The following PTGFR variants were observed in gnomAD, a reference collection of about 807,000 sequenced individuals.
The protein encoded by PTGFR is prostaglandin F receptor, also known as prostaglandin F2-alpha receptor.
A neutral mutation model predicts 26.2 loss-of-function variants in PTGFR; 15 were observed. The ratio of observed to expected loss-of-function variants is 0.57; its 90% confidence interval spans 0.38 to 0.88. The LOEUF is 0.88. Among genes scored for constraint, PTGFR ranks in the 40% least tolerant of loss-of-function variants. The pLI, the probability that PTGFR is intolerant of heterozygous loss-of-function variation, is 0.00. For synonymous variants in PTGFR, 165 were observed against 151.1 expected, an observed-to-expected ratio of 1.09 and a Z score of -0.68; for missense variants, 369 against 427.2, an observed-to-expected ratio of 0.86 and a Z score of 1.20.
intron 2 of PTGFR, among the ~76,000 whole-genome samples, chr1:78,518,502 A>C (rs1650144957): frequency 6.6e-6 from 1 of 151,644 alleles, no homozygotes; most frequent in Non-Finnish European, 1.5e-5. Context: ...GAAGTGCCCT[A>C]GTAATTACTT....
At chr1:78,532,346 G>A (rs1459183354) in intron 2 of PTGFR, 1 of 134,904 alleles carries the variant, frequency 7.4e-6, no homozygotes, top group East Asian at 2.3e-4. Context: ...GGAAGTTTAT[G>A]CCGTCAAGTA....
At chr1:78,498,170 A>T (rs1352932705) in intron 2 of PTGFR, among the ~76,000 whole-genome samples, 3 of 152,216 alleles carry the variant, frequency 2.0e-5, no homozygotes, top group African/African-American at 7.2e-5. Context: ...GCTAATGACA[A>T]ATGATGGAGT....
chr1:78,505,369 C>A (rs1045928388), intron 2 of PTGFR, among the ~76,000 whole-genome samples: 9 of 151,998 alleles, frequency 5.9e-5, no homozygotes, highest in Non-Finnish European at 1.3e-4. Flanking sequence ...GTGATCCACC[C>A]ACCTCGGCCT....
At chr1:78,502,059 G>A (rs1649719366) in intron 2 of PTGFR, among the ~76,000 whole-genome samples, 1 of 152,132 alleles carries the variant, frequency 6.6e-6, no homozygotes, top group African/African-American at 2.4e-5. Flanking sequence ...AAGGAAGAGA[G>A]AAGAAGCTCA....
At chr1:78,535,166 A>G (rs1375263327) in intron 2 of PTGFR, among the ~76,000 whole-genome samples, 3 of 152,166 alleles carry the variant, frequency 2.0e-5, no homozygotes, top group Admixed American at 2.0e-4. Flanking sequence ...GGAGAATCAG[A>G]GGAGTGTGCA....
intron 2 of PTGFR, among the ~76,000 whole-genome samples, chr1:78,529,014 C>A (rs928417131): frequency 5.3e-5 from 8 of 152,120 alleles, no homozygotes; most frequent in Admixed American, 4.6e-4. Context: ...AAGACCTACA[C>A]ACATTTCAAT....
chr1:78,504,394 C>T (rs1020560196), intron 2 of PTGFR, among the ~76,000 whole-genome samples: 15 of 151,836 alleles, frequency 9.9e-5, no homozygotes, highest in Non-Finnish European at 2.2e-4. Context: ...GGGCATTATC[C>T]CTTTTGTGAA....
chr1:78,536,843 C>A lies in PTGFR; in HGVS notation c.*156C>A. On this transcript the variant is annotated 3_prime_UTR_variant, in exon 3 of 3. Coordinates refer to ENST00000370757, the MANE Select transcript of PTGFR (RefSeq NM_000959.4). ...GTCAGATTCAGGTTTTGAAATTTGT[C>A]AAATAAACAGGATAACTGTACATTT... The A allele has an allele frequency of 2.3e-6, 2 of 853,620 alleles. No individual in the cohort carries two copies. The highest frequency in any genetic ancestry group is 2.0e-5 in the South Asian group (1 of 49,124). The allele number at this position is 853,620 out of a possible 1,614,324, so 52.9% of individuals were successfully genotyped here.
chr1:78,507,188 G>T (rs943116606), intron 2 of PTGFR, among the ~76,000 whole-genome samples: 2 of 152,136 alleles, frequency 1.3e-5, no homozygotes, highest in East Asian at 3.9e-4. Context: ...TGTGGGTTTA[G>T]TATCAGAGTT....
At position 78,493,161 on chromosome 1, in the gene PTGFR, C is replaced by T. The variant is rs1649456807; in HGVS notation, c.418C>T (p.Pro140Ser). ...AIERCIGVTK[P>S]IFHSTKITSK... ...TGAGCGGTGTATTGGAGTCACAAAACCAATATTTCATTCTACGAAAATTAC... is the reference window on the plus strand; with the variant it reads ...TGAGCGGTGTATTGGAGTCACAAAATCAATATTTCATTCTACGAAAATTAC... The change falls in exon 2 of 3, where the codon CCA becomes TCA. Residue 140 changes from proline to serine, a missense_variant. Transcript: ENST00000370757. 6.2e-7 allele frequency: 1 copy of T among 1,614,048 alleles called. No individual in the cohort carries two copies. Among genetic ancestry groups the T allele is most frequent in the Non-Finnish European group, 8.5e-7 (1 of 1,180,046 alleles).
intron 2 of PTGFR, among the ~76,000 whole-genome samples, chr1:78,498,324 G>A (rs1649607865): frequency 6.6e-6 from 1 of 152,116 alleles, no homozygotes; most frequent in African/African-American, 2.4e-5. Flanking sequence ...AGGATGGTGA[G>A]TGGATATATG....
intron 1 of PTGFR, among the ~76,000 whole-genome samples, 195 bp from the exon 2 acceptor site, chr1:78,492,477 A>G (rs1183128345): frequency 6.6e-6 from 1 of 152,174 alleles, no homozygotes; most frequent in Non-Finnish European, 1.5e-5. Context: ...AGGGGTCTCA[A>G]TTTCAACAGC....
chr1:78,504,615 T>A (rs1475542788), intron 2 of PTGFR, among the ~76,000 whole-genome samples: 1 of 152,204 alleles, frequency 6.6e-6, no homozygotes, highest in Non-Finnish European at 1.5e-5. Context: ...TGTTTCATGT[T>A]TAAAAAATGC....
Position 78,540,178 on chromosome 1 carries a change from A to G in PTGFR, c.*3491A>G, listed in dbSNP as rs1050441304. On this transcript the variant is annotated 3_prime_UTR_variant, in exon 3 of 3. Transcript: ENST00000370757. ...ATTATATGTGGCTGTTTCTCAAACT[A>G]CAGAGCATGGTGAATCACACACAGG... 1.3e-5 allele frequency among the ~76,000 whole-genome samples: 2 copies of G among 152,130 alleles called. No homozygotes were observed. The highest frequency in any genetic ancestry group is 4.8e-5 in the African/African-American group (2 of 41,438).
At chr1:78,536,042 T>G (rs1349456316) in intron 2 of PTGFR, among the ~76,000 whole-genome samples, 1 of 152,186 alleles carries the variant, frequency 6.6e-6, no homozygotes, top group East Asian at 1.9e-4. Context: ...ATAATTTATT[T>G]ATTTAAAAAT....
chr1:78,522,929 G>A (rs1434309209), intron 2 of PTGFR, among the ~76,000 whole-genome samples: 1 of 152,034 alleles, frequency 6.6e-6, no homozygotes, highest in African/African-American at 2.4e-5. Flanking sequence ...TAGGAATTAT[G>A]CAATAAGTTT....
At chr1:78,502,325 T>A (rs1649729619) in intron 2 of PTGFR, among the ~76,000 whole-genome samples, 1 of 152,160 alleles carries the variant, frequency 6.6e-6, no homozygotes, top group African/African-American at 2.4e-5. Flanking sequence ...TAGTGTAGTG[T>A]TTAAGAATCT....
intron 2 of PTGFR, among the ~76,000 whole-genome samples, chr1:78,500,134 C>A (rs1253500775): frequency 6.6e-6 from 1 of 151,880 alleles, no homozygotes; most frequent in South Asian, 2.1e-4. Context: ...TGAGTAAAGA[C>A]CTCCAGATAT....
At chr1:78,513,232 A>G (rs1650014694) in intron 2 of PTGFR, among the ~76,000 whole-genome samples, 3 of 152,180 alleles carry the variant, frequency 2.0e-5, no homozygotes, top group Admixed American at 1.3e-4. Flanking sequence ...AAGATGAGGG[A>G]AAGTTGGAAA....
Sources: allele counts gnomAD v4.1 joint callset (sites outside exome capture counted in the v4.1 genomes callset), GRCh38; gene constraint gnomAD v4.1.1; transcripts MANE v1.5; gene names NCBI Gene and HGNC (gene_info 2026-07-23, HGNC 2026-07-21).